NPAS2: variants seen among roughly 807,000 people sequenced by gnomAD.
The protein encoded by NPAS2 is neuronal PAS domain protein 2.
In NPAS2, 23 loss-of-function variants were observed where a neutral mutation model predicts 107.5. The observed-to-expected ratio is 0.21, with a 90% confidence interval of 0.15 to 0.30. The LOEUF (loss-of-function observed/expected upper bound fraction) is 0.30, where lower values mean the gene tolerates loss of function less well. Ranked by LOEUF, NPAS2 falls within the 10% of genes least tolerant of loss-of-function variation. NPAS2 has a pLI of 1.00. For missense variants in NPAS2, 756 were observed against 1,043.3 expected, an observed-to-expected ratio of 0.72 and a Z score of 3.79; for synonymous variants, 403 against 417.5, an observed-to-expected ratio of 0.97 and a Z score of 0.42.
intron 2 of NPAS2, among the ~76,000 whole-genome samples, chr2:100,910,756 G>A (rs901802682): frequency 6.6e-6 from 1 of 152,132 alleles, no homozygotes; most frequent in African/African-American, 2.4e-5. Context: ...TTGAACTCCT[G>A]ACCTCAAGTG....
At position 100,840,681 on chromosome 2, in the gene NPAS2, A is replaced by G. The variant is rs185375147; in HGVS notation, c.-23+20267A>G. Among the ~76,000 whole-genome samples the G allele has an allele frequency of 7.9e-5, 12 of 152,104 alleles. No homozygotes were observed. The East Asian group carries it at 2.3e-3, about 29-fold the overall frequency. ...TTTGGGGTTTAGAATCTGGAATTCC[A>G]GAGTCGATCTGTCAGAGAACATCAG... On this transcript the variant is annotated intron_variant, in intron 1 of 20. Coordinates refer to ENST00000335681, the MANE Select transcript of NPAS2 (RefSeq NM_002518.4).
chr2:100,981,776 C>A (rs75159075), intron 15 of NPAS2, among the ~76,000 whole-genome samples: 2,162 of 152,174 alleles, frequency 0.014, 57 homozygotes, highest in South Asian at 0.1. Context: ...AACGACCGGA[C>A]CCAAAAATGC....
At chr2:100,963,439 T>C (rs1676031923) in intron 7 of NPAS2, among the ~76,000 whole-genome samples, 1 of 150,890 alleles carries the variant, frequency 6.6e-6, no homozygotes, top group Non-Finnish European at 1.5e-5. Flanking sequence ...AGAGTCTTAC[T>C]GTGTCACCCA....
chr2:100,956,823 G>T (rs1375275817), intron 7 of NPAS2, among the ~76,000 whole-genome samples: 2 of 152,210 alleles, frequency 1.3e-5, no homozygotes, highest in Non-Finnish European at 2.9e-5. Flanking sequence ...CCCGGGATTT[G>T]TCAGGCTCTG....
chr2:100,893,634 T>C (rs554955367), intron 1 of NPAS2, among the ~76,000 whole-genome samples: 2 of 152,312 alleles, frequency 1.3e-5, no homozygotes, highest in African/African-American at 4.8e-5. Context: ...TTACAAAAAA[T>C]TCTAAATTAA....
intron 4 of NPAS2, among the ~76,000 whole-genome samples, chr2:100,933,356 CA>C (rs1265739960): frequency 6.6e-6 from 1 of 152,230 alleles, no homozygotes; most frequent in African/African-American, 2.4e-5. Flanking sequence ...TCATTTGACT[CA>C]GAGAGTCTTC....
chr2:100,979,480 CTATATATATA>C (rs201705535), intron 15 of NPAS2, among the ~76,000 whole-genome samples: 35 of 64,798 alleles, frequency 5.4e-4, no homozygotes, highest in South Asian at 4.3e-3. Flanking sequence ...TTAATAATAA[CTATATATATA>C]TATATATATA....
At position 100,977,775 on chromosome 2, in the gene NPAS2, G is replaced by T. The variant is rs528544389; in HGVS notation, c.1458G>T (p.Gln486His). Residue 486 changes from glutamine (Q) to histidine (H), a missense_variant, in exon 15 of 21, where the codon CAG becomes CAT. By Grantham distance (24) the Gln-to-His change is conservative (BLOSUM62 0). Transcript: ENST00000335681. Reference protein sequence around the residue: ...TQQLLPQTVLQSTPAPMAQFS... With the variant: ...TQQLLPQTVLHSTPAPMAQFS... Reference sequence around the variant, plus strand: ...AGCTCCTGCCTCAGACCGTTCTGCAGAGCACGCCCGCTCCCATGGCACAGG... The same window carrying T: ...AGCTCCTGCCTCAGACCGTTCTGCATAGCACGCCCGCTCCCATGGCACAGG... The T allele has an allele frequency of 6.2e-7, 1 of 1,614,154 alleles. No homozygotes were observed. Among genetic ancestry groups the T allele is most frequent in the East Asian group, 2.2e-5 (1 of 44,878 alleles).
At chr2:100,954,675 AAAAAAG>A (rs1438841224) in intron 7 of NPAS2, among the ~76,000 whole-genome samples, 4,052 of 112,320 alleles carry the variant, frequency 0.036, 195 homozygotes, top group African/African-American at 0.13. Flanking sequence ...AAAAAAAAAA[AAAAAAG>A]AAAAAAAAGA....
chr2:100,953,505 C>A (rs1267653210), intron 7 of NPAS2, among the ~76,000 whole-genome samples: 1 of 151,404 alleles, frequency 6.6e-6, no homozygotes, highest in East Asian at 1.9e-4. Context: ...AAACATTGAA[C>A]AATGAGGTAA....
chr2:100,958,777 G>A (rs1022977825), intron 7 of NPAS2, among the ~76,000 whole-genome samples: 2 of 152,042 alleles, frequency 1.3e-5, no homozygotes, highest in Non-Finnish European at 2.9e-5. Flanking sequence ...AGGGGCGAGG[G>A]AAGTTCACTT....
At chr2:100,973,352 A>G (rs1437363836) in intron 12 of NPAS2, among the ~76,000 whole-genome samples, 1 of 152,216 alleles carries the variant, frequency 6.6e-6, no homozygotes, top group Non-Finnish European at 1.5e-5. Context: ...CGTGATGTGC[A>G]GAGATGTCAA....
At position 100,836,649 on chromosome 2, in the gene NPAS2, C is replaced by T. The variant is rs80158345; in HGVS notation, c.-23+16235C>T. 4.0e-3 allele frequency among the ~76,000 whole-genome samples: 610 copies of T among 152,236 alleles called. 26 individuals are homozygous for T. The East Asian group carries it at 0.1, about 25-fold the overall frequency. On this transcript the variant is annotated intron_variant, in intron 1 of 20. Coordinates refer to ENST00000335681, the MANE Select transcript of NPAS2 (RefSeq NM_002518.4). ...TTGTGCAGGTCAGGGGTGGCTCTACCGAGTGAATGCCCTTCTTCTTTCTTC... is the reference window on the plus strand; with the variant it reads ...TTGTGCAGGTCAGGGGTGGCTCTACTGAGTGAATGCCCTTCTTCTTTCTTC...
At chr2:100,980,344 T>G (rs1016511672) in intron 15 of NPAS2, among the ~76,000 whole-genome samples, 3 of 152,226 alleles carry the variant, frequency 2.0e-5, no homozygotes, top group Non-Finnish European at 4.4e-5. Flanking sequence ...TTGGAATAGC[T>G]CGTTTGCTTT....
At chr2:100,853,226 G>A (rs1678324387) in intron 1 of NPAS2, among the ~76,000 whole-genome samples, 1 of 152,220 alleles carries the variant, frequency 6.6e-6, no homozygotes, top group Admixed American at 6.5e-5. Flanking sequence ...ATCTTGCACA[G>A]GAGAGAACTA....
At chr2:100,932,379 G>C (rs1684013952) in intron 3 of NPAS2, among the ~76,000 whole-genome samples, 1 of 152,258 alleles carries the variant, frequency 6.6e-6, no homozygotes, top group Admixed American at 6.5e-5. Context: ...TTATGTGTAT[G>C]TGTATAGCAC....
Position 100,922,232 on chromosome 2 carries a change from C to G in NPAS2, c.33-2914C>G, listed in dbSNP as rs574974684. Reference sequence around the variant, plus strand: ...TGGTGGTAGTTACCCAACTAATACACCAAACTATGCACTAAAATGGATGAA... The same window carrying G: ...TGGTGGTAGTTACCCAACTAATACAGCAAACTATGCACTAAAATGGATGAA... On this transcript the variant is annotated intron_variant, in intron 2 of 20. Coordinates refer to ENST00000335681, the MANE Select transcript of NPAS2 (RefSeq NM_002518.4). 3.4e-4 allele frequency among the ~76,000 whole-genome samples: 52 copies of G among 152,196 alleles called. 1 individual carries two copies. The South Asian group carries it at 0.011, about 32-fold the overall frequency.
chr2:100,946,568 C>T (rs1316682534), intron 5 of NPAS2, among the ~76,000 whole-genome samples: 1 of 152,160 alleles, frequency 6.6e-6, no homozygotes, highest in Non-Finnish European at 1.5e-5. Context: ...GAGGCAGAGG[C>T]TGAGCTGTGA....
At chr2:100,974,111 G>C (rs940163536) in intron 12 of NPAS2, among the ~76,000 whole-genome samples, 17 of 152,206 alleles carry the variant, frequency 1.1e-4, no homozygotes, top group African/African-American at 3.1e-4. Context: ...CAAAGAGCTG[G>C]GATTACAGGC....
Sources: allele counts gnomAD v4.1 joint callset (sites outside exome capture counted in the v4.1 genomes callset), GRCh38; gene constraint gnomAD v4.1.1; transcripts MANE v1.5; gene names NCBI Gene and HGNC (gene_info 2026-07-23, HGNC 2026-07-21).